The following TRIO variants were observed in gnomAD, a reference collection of about 807,000 sequenced individuals.
The protein encoded by TRIO is trio Rho guanine nucleotide exchange factor, also known as triple functional domain protein.
Under a neutral mutation model 351.9 loss-of-function variants are expected in TRIO, and 58 were observed. The ratio of observed to expected loss-of-function variants is 0.16; its 90% CI spans 0.13 to 0.21. TRIO has a LOEUF of 0.21. Ranked by LOEUF, TRIO falls within the 10% of genes least tolerant of loss-of-function variation. The probability of loss-of-function intolerance (pLI) is 1.00; values close to 1 mark genes in which losing one functional copy is unlikely to be tolerated. For missense variants in TRIO, 3,201 were observed against 4,027.8 expected, an observed-to-expected ratio of 0.79 and a Z score of 5.56; for synonymous variants, 1,758 against 1,595.7, an observed-to-expected ratio of 1.10 and a Z score of -2.42.
chr5:14,381,338 G>A, intron 21 of TRIO, 86 bp downstream of exon 21: 1 of 1,470,562 alleles, frequency 6.8e-7, no homozygotes, highest in Non-Finnish European at 9.0e-7. Flanking sequence ...TCATGAGATT[G>A]GAGAAAAGGA....
intron 1 of TRIO, among the ~76,000 whole-genome samples, chr5:14,249,486 G>A (rs1271156460): frequency 6.6e-6 from 1 of 152,204 alleles, no homozygotes; most frequent in Non-Finnish European, 1.5e-5. Flanking sequence ...TGGAGAATGG[G>A]TTCATGTGGT....
intron 34 of TRIO, among the ~76,000 whole-genome samples, chr5:14,426,880 C>T (rs964139422): frequency 2.6e-5 from 4 of 152,030 alleles, no homozygotes; most frequent in African/African-American, 9.7e-5. Flanking sequence ...TTGTTTGTTT[C>T]GTAACTTTAA....
intron 13 of TRIO, among the ~76,000 whole-genome samples, chr5:14,359,995 T>A (rs1039813295): frequency 3.3e-5 from 5 of 152,020 alleles, no homozygotes. Context: ...CACCCTCCCC[T>A]TTTCTCTCTC....
chr5:14,390,662 G>A (rs1272978374), intron 26 of TRIO, among the ~76,000 whole-genome samples: 2 of 152,198 alleles, frequency 1.3e-5, no homozygotes, highest in Admixed American at 6.5e-5. Context: ...CTCTGCACGC[G>A]TGACTGTGGA....
chr5:14,240,945 T>C (rs185173933), intron 1 of TRIO, among the ~76,000 whole-genome samples: 23 of 152,312 alleles, frequency 1.5e-4, no homozygotes, highest in African/African-American at 5.5e-4. Context: ...TTCTTTTGAA[T>C]CGTGAAATAA....
intron 1 of TRIO, among the ~76,000 whole-genome samples, chr5:14,182,854 C>T (rs898367517): frequency 1.0e-5 from 1 of 95,304 alleles, no homozygotes; most frequent in African/African-American, 3.4e-5. Context: ...GGACCAAATA[C>T]AGTGGAGACC....
rs142074756 is a variant in TRIO at position 14,252,283 on chromosome 5, ACTCT to A, written c.158-18539_158-18536del. Among the ~76,000 whole-genome samples the A allele has an allele frequency of 5.2e-3, 786 of 151,946 alleles. 9 individuals carry two copies. The highest frequency in any genetic ancestry group is 0.018 in the African/African-American group (758 of 41,456). ...ATAATTCTACATCGATTCCTTGCTC[ACTCT>A]CTATCCAGCTGTGGCCTCACCGAGC... On this transcript the variant is annotated intron_variant, in intron 1 of 56. Transcript: ENST00000344204.
chr5:14,235,826 TA>T (rs373166268), intron 1 of TRIO, among the ~76,000 whole-genome samples: 29 of 152,142 alleles, frequency 1.9e-4, no homozygotes, highest in Admixed American at 3.9e-4. Flanking sequence ...AATTTTTAAT[TA>T]AAAAAAATTT....
intron 2 of TRIO, among the ~76,000 whole-genome samples, chr5:14,275,079 C>T (rs533221951): frequency 1.2e-4 from 18 of 152,076 alleles, no homozygotes; most frequent in Admixed American, 4.6e-4. Flanking sequence ...GAAATGATAT[C>T]GTGACTTTAT....
rs773102130 is a variant in TRIO at position 14,461,004 on chromosome 5, C to A, written c.5204-15C>A. 3.9e-6 allele frequency: 6 copies of A among 1,546,362 alleles called. No homozygotes were observed. Among genetic ancestry groups the A allele is most frequent in the East Asian group, 4.7e-5 (2 of 42,162 alleles). Reference sequence around the variant, plus strand: ...TGTGCGAGTCAGTGATACTCCCTCTCTTTCTCCCTGGCAGACTCGCTCTCC... The same window carrying A: ...TGTGCGAGTCAGTGATACTCCCTCTATTTCTCCCTGGCAGACTCGCTCTCC... On this transcript the variant is annotated splice_polypyrimidine_tract_variant and intron_variant, in intron 34 of 56. Transcript: ENST00000344204.
In TRIO at chr5:14,507,170, C is replaced by T. The variant is rs774844875; in HGVS notation, c.8661C>T (p.Leu2887=). The T allele has an allele frequency of 2.8e-5, 45 of 1,612,278 alleles. No homozygotes were observed. In the South Asian group the frequency reaches 4.5e-4, roughly 16 times the overall value. Reference sequence around the variant, plus strand: ...ACTGCGTGGTGCGATGGGGAAGCCTCACTGAAGGGAAGATCAGGGCGCACC... The same window carrying T: ...ACTGCGTGGTGCGATGGGGAAGCCTTACTGAAGGGAAGATCAGGGCGCACC... The part of the protein sequence containing the change: ...LLDCVVRWGS[L]TEGKIRAHLG... Residue 2887 remains leucine (L), a synonymous_variant, in exon 56 of 57, where the codon CTC becomes CTT. Transcript: ENST00000344204.
intron 15 of TRIO, among the ~76,000 whole-genome samples, 200 bp downstream of exon 15, chr5:14,365,016 C>CTTTTTTACACATCCTAATGTGTAAAAA (rs1744475318): frequency 6.6e-6 from 1 of 152,202 alleles, no homozygotes; most frequent in Non-Finnish European, 1.5e-5. Flanking sequence ...AAAAGGGAGC[C>CTTTTTTACACATCCTAATGTGTAAAAA]AGTGGCCAGG....
chr5:14,359,570 G>C, intron 13 of TRIO, 39 bp downstream of exon 13: 1 of 1,603,338 alleles, frequency 6.2e-7, no homozygotes, highest in Non-Finnish European at 8.5e-7. Flanking sequence ...GCCTGTGGGA[G>C]CCCTTGGCTT....
At chr5:14,432,393 GTT>G (rs1751231136) in intron 34 of TRIO, among the ~76,000 whole-genome samples, 1 of 152,210 alleles carries the variant, frequency 6.6e-6, no homozygotes, top group Non-Finnish European at 1.5e-5. Context: ...GACAAACTCA[GTT>G]GCCCAAGGCC....
intron 9 of TRIO, 142 bp from the exon 10 acceptor site, chr5:14,330,636 A>G: frequency 9.8e-7 from 1 of 1,016,316 alleles, no homozygotes. Context: ...GTATCCAATT[A>G]CTTCTTCCCA....
At chr5:14,328,740 A>G (rs566621424) in intron 9 of TRIO, among the ~76,000 whole-genome samples, 9 of 152,304 alleles carry the variant, frequency 5.9e-5, no homozygotes, top group African/African-American at 1.7e-4. Flanking sequence ...ACCACTGGGC[A>G]GGTAAGGAAC....
At chr5:14,274,132 G>T (rs943817053) in intron 2 of TRIO, among the ~76,000 whole-genome samples, 1 of 152,112 alleles carries the variant, frequency 6.6e-6, no homozygotes, top group African/African-American at 2.4e-5. Flanking sequence ...CAAAAAACCC[G>T]ATAGGTATTC....
At position 14,286,872 on chromosome 5, in the gene TRIO, G is replaced by A. The variant is rs769526836; in HGVS notation, c.349G>A (p.Glu117Lys). 21 of 1,611,832 alleles carry A rather than the reference G, an allele frequency of 1.3e-5. No individual in the cohort carries two copies. Among genetic ancestry groups the A allele is most frequent in the Admixed American group, 5.0e-5 (3 of 59,890 alleles). ...CAGCCATGTTTTCTTTCTCTGCAGC[G>A]AGGAGGTCTGCAAGCGTGGCTTCAC... ...LISYLACIPS[E>K]EVCKRGFTVI... Residue 117 changes from glutamate (E) to lysine (K), a missense_variant and splice_region_variant, in exon 4 of 57, where the codon GAG becomes AAG. By Grantham distance (56) the Glu-to-Lys change is moderately conservative. This residue lies in a region of TRIO where 11 missense variants were observed against 36.8 expected (regional missense o/e 0.30). Transcript: ENST00000344204. This position sits in a 1 kb window ranked among gnomAD's most constrained non-coding sequence, Gnocchi z 4.4.
At chr5:14,152,309 A>G (rs1787885806) in intron 1 of TRIO, among the ~76,000 whole-genome samples, 1 of 152,208 alleles carries the variant, frequency 6.6e-6, no homozygotes, top group Non-Finnish European at 1.5e-5. Context: ...CGAAAAGCAA[A>G]ACAAAACAAA....
Sources: gnomAD v4.1 joint callset for allele counts (sites outside exome capture counted in the v4.1 genomes callset) on GRCh38, gnomAD v4.1.1 for gene constraint, gnomAD v4.1.1 regional missense constraint, Gnocchi (gnomAD v3.1) non-coding constraint, MANE v1.5 for transcripts, NCBI Gene and HGNC (gene_info 2026-07-23, HGNC 2026-07-21) for gene names.